ABCA13: variants seen among roughly 807,000 people sequenced by gnomAD.
The protein encoded by ABCA13 is ATP binding cassette subfamily A member 13.
A neutral mutation model predicts 478.7 loss-of-function variants in ABCA13; 476 were observed. That is an observed-to-expected ratio of 0.99 (90% CI 0.92 to 1.07). ABCA13 has a LOEUF of 1.07. Ranked by LOEUF, ABCA13 falls within the 50% of genes least tolerant of loss-of-function variation. The probability of loss-of-function intolerance (pLI) is 0.00; values close to 1 mark genes in which losing one functional copy is unlikely to be tolerated. For synonymous variants in ABCA13, 2,252 were observed against 2,158.9 expected, an observed-to-expected ratio of 1.04 and a Z score of -1.20; for missense variants, 6,060 against 5,910.6, an observed-to-expected ratio of 1.03 and a Z score of -0.83.
intron 29 of ABCA13, among the ~76,000 whole-genome samples, chr7:48,350,285 C>T (rs1808756474): frequency 6.6e-6 from 1 of 151,730 alleles, no homozygotes; most frequent in Non-Finnish European, 1.5e-5. Flanking sequence ...CTTTTTTTTT[C>T]CCCTGAACTC....
rs527806647 is a variant in ABCA13, at chr7:48,610,332, G to T, written c.14745-4953G>T. Among the ~76,000 whole-genome samples the T allele has an allele frequency of 1.2e-4, 19 of 152,306 alleles. No individual in the cohort carries two copies. In the South Asian group the frequency reaches 3.7e-3, roughly 30 times the overall value. On this transcript the variant is annotated intron_variant, in intron 58 of 61. Transcript: ENST00000435803. Reference sequence around the variant, plus strand: ...CTTTGATTCCATGTCCCACATTCAGGCCACACTGAAGCAAGGGGTAGATTG... The same window carrying T: ...CTTTGATTCCATGTCCCACATTCAGTCCACACTGAAGCAAGGGGTAGATTG...
rs1398677238 is a variant in ABCA13 at position 48,370,013 on chromosome 7, C to G, written c.10803+2105C>G. Among the ~76,000 whole-genome samples the G allele has an allele frequency of 2.0e-5, 3 of 152,128 alleles. No individual in the cohort carries two copies. In the East Asian group the frequency reaches 5.8e-4, roughly 29 times the overall value. On this transcript the variant is annotated intron_variant, in intron 32 of 61. Coordinates refer to ENST00000435803, the MANE Select transcript of ABCA13 (RefSeq NM_152701.5). ...TCATTTTCACAATATTGATTCTACC[C>G]ATCCGTGAGCATGGCATGTGTTTCC...
chr7:48,536,592 G>T (rs918980196), intron 55 of ABCA13, among the ~76,000 whole-genome samples: 6 of 151,428 alleles, frequency 4.0e-5, no homozygotes, highest in African/African-American at 1.5e-4. Context: ...AGGTTGCAGT[G>T]AGCCAAGATC....
Position 48,646,720 on chromosome 7 carries a change from C to T in ABCA13, c.*1208C>T, listed in dbSNP as rs1795460554. The T allele has an allele frequency of 6.6e-6, 1 of 152,106 alleles. No individual in the cohort carries two copies. Among genetic ancestry groups the T allele is most frequent in the Non-Finnish European group, 1.5e-5 (1 of 68,066 alleles). The allele number at this position is 152,106 out of a possible 1,614,324, so 9.4% of individuals were successfully genotyped here. On this transcript the variant is annotated 3_prime_UTR_variant, in exon 62 of 62. Transcript: ENST00000435803. ...ATTTTTAGTAGAGACGGGGTTTCAC[C>T]GTGTTAGCCAGGATGGTCTCTATCT...
intron 2 of ABCA13, among the ~76,000 whole-genome samples, chr7:48,193,765 TTCA>T (rs1391998264): frequency 1.4e-5 from 2 of 141,752 alleles, no homozygotes; most frequent in African/African-American, 5.3e-5. Context: ...AGTGATGATC[TTCA>T]TGATAATAAA....
At position 48,607,594 on chromosome 7, in the gene ABCA13, C is replaced by A. The variant is rs1397183416; in HGVS notation, c.14745-7691C>A. ...AAATTTTTTCTTCTAAATCTAGCAT[C>A]TGAGAACACTTATGAACAATTTCTT... On this transcript the variant is annotated intron_variant, in intron 58 of 61. Transcript: ENST00000435803. 2.0e-5 allele frequency among the ~76,000 whole-genome samples: 3 copies of A among 152,180 alleles called. No individual in the cohort carries two copies. In the East Asian group the frequency reaches 5.8e-4, roughly 29 times the overall value.
rs73694648 is a variant in ABCA13 at position 48,489,326 on chromosome 7, G to C, written c.13273G>C (p.Val4425Leu). The C allele has an allele frequency of 0.057, 90,905 of 1,605,020 alleles. 2,887 individuals are homozygous for C. The highest frequency in any genetic ancestry group is 0.11 in the African/African-American group (8,285 of 74,742). Reference protein sequence around the residue: ...LILWQHLPPTVDWRQYGITLY... With the variant: ...LILWQHLPPTLDWRQYGITLY... The stretch of plus-strand genomic sequence containing the variant: ...TTTGTGGCAGCACCTACCCCCTACT[G>C]TGGACTGGAGACAATACGGTAATGT... Residue 4425 changes from valine to leucine, a missense_variant, in exon 48 of 62, where the codon GTG becomes CTG. Physicochemically the swap from Val to Leu is conservative, Grantham distance 32. This residue lies in a region of ABCA13 where 1,627 missense variants were observed against 1,571.0 expected (regional missense o/e 1.04). Transcript: ENST00000435803.
intron 40 of ABCA13, among the ~76,000 whole-genome samples, chr7:48,411,615 A>AT (rs962431776): frequency 2.7e-4 from 41 of 152,148 alleles, no homozygotes; most frequent in African/African-American, 9.4e-4. Context: ...GCCTAGAAAT[A>AT]TTTTTTTGAC....
intron 41 of ABCA13, among the ~76,000 whole-genome samples, chr7:48,420,910 A>G (rs11770110): frequency 0.26 from 38,818 of 152,008 alleles, 5,079 homozygotes; most frequent in African/African-American, 0.32. Flanking sequence ...AATCTGCAAG[A>G]ATTCCTCAGT....
At chr7:48,420,445 C>T (rs1013173175) in intron 41 of ABCA13, among the ~76,000 whole-genome samples, 1 of 152,194 alleles carries the variant, frequency 6.6e-6, no homozygotes, top group Non-Finnish European at 1.5e-5. Context: ...TTTCGGCAAT[C>T]TCTGAAGCCA....
At chr7:48,353,786 G>A (rs1809437834) in intron 31 of ABCA13, among the ~76,000 whole-genome samples, 1 of 151,894 alleles carries the variant, frequency 6.6e-6, no homozygotes, top group Admixed American at 6.5e-5. Context: ...ACTCATCTTG[G>A]GATAGCCTAG....
intron 29 of ABCA13, among the ~76,000 whole-genome samples, chr7:48,338,987 T>C (rs931283703): frequency 2.0e-5 from 3 of 152,190 alleles, no homozygotes; most frequent in African/African-American, 7.2e-5. Flanking sequence ...TGTTCCACCA[T>C]GCAGTGCAGA....
intron 27 of ABCA13, among the ~76,000 whole-genome samples, chr7:48,324,035 A>G (rs1278004319): frequency 6.6e-6 from 1 of 152,188 alleles, no homozygotes; most frequent in African/African-American, 2.4e-5. Context: ...TCTTTCCTTT[A>G]TAAATTACTT....
intron 38 of ABCA13, among the ~76,000 whole-genome samples, chr7:48,399,073 A>C (rs975568789): frequency 6.6e-6 from 1 of 152,144 alleles, no homozygotes; most frequent in Non-Finnish European, 1.5e-5. Flanking sequence ...GAAGGGAATG[A>C]AGGTCTTATT....
intron 48 of ABCA13, among the ~76,000 whole-genome samples, chr7:48,492,091 G>A (rs139360839): frequency 5.3e-5 from 8 of 152,248 alleles, no homozygotes; most frequent in Non-Finnish European, 7.4e-5. Context: ...GATGCAGGCC[G>A]CTTGATAAGA....
chr7:48,425,898 C>T (rs1344376030), intron 41 of ABCA13, among the ~76,000 whole-genome samples: 2 of 152,074 alleles, frequency 1.3e-5, no homozygotes, highest in South Asian at 4.2e-4. Flanking sequence ...CCCGCCACCT[C>T]GCCCGGCTAA....
intron 53 of ABCA13, 72 bp downstream of exon 53, chr7:48,520,366 T>C (rs1832459134): frequency 6.8e-7 from 1 of 1,471,320 alleles, no homozygotes; most frequent in South Asian, 1.4e-5. Context: ...AAATTCATCC[T>C]GGAGGTTGTA....
intron 18 of ABCA13, among the ~76,000 whole-genome samples, chr7:48,280,637 C>T (rs1216820526): frequency 6.6e-6 from 1 of 152,056 alleles, no homozygotes; most frequent in Non-Finnish European, 1.5e-5. Context: ...GCTTTCCTCT[C>T]TGGCCCACAT....
At chr7:48,340,386 GT>G (rs1310376150) in intron 29 of ABCA13, among the ~76,000 whole-genome samples, 6 of 152,174 alleles carry the variant, frequency 3.9e-5, no homozygotes, top group African/African-American at 1.4e-4. Context: ...GATTACAGGC[GT>G]GAGCCACTGC....
Sources: allele counts gnomAD v4.1 joint callset (sites outside exome capture counted in the v4.1 genomes callset), GRCh38; gene constraint gnomAD v4.1.1; regional missense constraint gnomAD v4.1.1; transcripts MANE v1.5; gene names NCBI Gene and HGNC (gene_info 2026-07-23, HGNC 2026-07-21).